The following CFAP251 variants were observed in gnomAD, a reference collection of about 807,000 sequenced individuals.
The protein encoded by CFAP251 is cilia- and flagella-associated protein 251.
A neutral mutation model predicts 126.7 loss-of-function variants in CFAP251; 93 were observed. That is an observed-to-expected ratio of 0.73 (90% CI 0.62 to 0.87). The LOEUF is 0.87. Among genes scored for constraint, CFAP251 ranks in the 40% least tolerant of loss-of-function variants. The pLI is 0.00. For synonymous variants in CFAP251, 503 were observed against 506.9 expected (o/e 0.99, Z 0.10); for missense variants, 1,287 against 1,389.2 (o/e 0.93, Z 1.17).
intron 12 of CFAP251, 100 bp downstream of exon 12, chr12:121,958,622 C>G (rs1429527073): frequency 6.5e-7 from 1 of 1,546,832 alleles, no homozygotes; most frequent in East Asian, 2.3e-5. Context: ...CTCCCCGACT[C>G]CAGCCCCCAG....
chr12:121,921,635 G>A lies in CFAP251; in HGVS notation c.330G>A (p.Leu110=). The change falls in exon 2 of 22, where the codon TTG becomes TTA. Residue 110 remains leucine (L), a synonymous_variant. Transcript: ENST00000288912. ...AAGTCACAGCGTCCATGATCCGTTT[G>A]GAGACACAGATTACTGATTCCCAGT... ...PQEVTASMIR[L]ETQITDSQSI... 1 of 1,612,424 alleles carries A rather than the reference G, an allele frequency of 6.2e-7. No homozygotes were observed. The highest frequency in any genetic ancestry group is 8.5e-7 in the Non-Finnish European group (1 of 1,179,556).
chr12:121,927,798 C>A (rs1880479441), intron 3 of CFAP251, among the ~76,000 whole-genome samples: 1 of 152,182 alleles, frequency 6.6e-6, no homozygotes, highest in Admixed American at 6.5e-5. Context: ...ATAGACATGA[C>A]TGTGGATCCC....
intron 7 of CFAP251, among the ~76,000 whole-genome samples, chr12:121,945,800 G>A (rs1881303191): frequency 6.6e-6 from 1 of 151,480 alleles, no homozygotes; most frequent in African/African-American, 2.4e-5. Flanking sequence ...TGAGTAGCTG[G>A]GACTACAGGC....
At chr12:121,982,445 T>C (rs1882645074) in intron 19 of CFAP251, among the ~76,000 whole-genome samples, 1 of 151,726 alleles carries the variant, frequency 6.6e-6, no homozygotes, top group African/African-American at 2.4e-5. Flanking sequence ...AATGGCGCCA[T>C]CTCAGTTCAC....
At chr12:121,999,337 T>C (rs1055506402) in intron 19 of CFAP251, 2 of 154,784 alleles carry the variant, frequency 1.3e-5, no homozygotes, top group African/African-American at 4.8e-5. Flanking sequence ...GTATTCCTTT[T>C]TCCTCTATTT....
intron 3 of CFAP251, among the ~76,000 whole-genome samples, chr12:121,930,748 C>CTTTTT (rs72062810): frequency 9.1e-6 from 1 of 109,884 alleles, no homozygotes; most frequent in Non-Finnish European, 2.0e-5. Flanking sequence ...AATTGCCTTT[C>CTTTTT]TTTTTTTTTT....
chr12:121,960,846 A>G, intron 14 of CFAP251, 88 bp downstream of exon 14: 2 of 1,438,356 alleles, frequency 1.4e-6, no homozygotes, highest in Non-Finnish European at 1.9e-6. Flanking sequence ...AGCCAGGCCC[A>G]CAGTACGTGT....
intron 5 of CFAP251, among the ~76,000 whole-genome samples, chr12:121,936,665 A>T (rs977622748): frequency 3.3e-5 from 5 of 152,022 alleles, no homozygotes; most frequent in African/African-American, 1.2e-4. Flanking sequence ...GTGGGATGTG[A>T]CATGCTGTAA....
chr12:121,968,477 C>T (rs1882225938), intron 17 of CFAP251, among the ~76,000 whole-genome samples: 1 of 152,186 alleles, frequency 6.6e-6, no homozygotes, highest in Non-Finnish European at 1.5e-5. Context: ...GGCCGACCCT[C>T]CAAAGCATAT....
chr12:121,931,655 G>C (rs1054070757), intron 3 of CFAP251, 91 bp from the exon 4 acceptor site: 3 of 1,298,758 alleles, frequency 2.3e-6, no homozygotes, highest in Non-Finnish European at 3.0e-6. Context: ...AACTGTTGAT[G>C]TGAAATCCTT....
chr12:121,943,517 G>A (rs1464271683), intron 7 of CFAP251, among the ~76,000 whole-genome samples: 1 of 152,064 alleles, frequency 6.6e-6, no homozygotes, highest in Non-Finnish European at 1.5e-5. Context: ...CTGCCTCCCA[G>A]GTTCAAGCGA....
intron 19 of CFAP251, among the ~76,000 whole-genome samples, chr12:121,978,945 C>G (rs775296203): frequency 3.9e-5 from 6 of 152,160 alleles, no homozygotes; most frequent in South Asian, 2.1e-4. Context: ...TATTGCTAAC[C>G]TACTTTCCAT....
intron 3 of CFAP251, among the ~76,000 whole-genome samples, chr12:121,926,085 T>C (rs1880402650): frequency 6.7e-6 from 1 of 149,414 alleles, no homozygotes; most frequent in African/African-American, 2.5e-5. Context: ...CCGGATGGTC[T>C]TGATCTCCTG....
intron 15 of CFAP251, among the ~76,000 whole-genome samples, chr12:121,964,813 C>T (rs1450629535): frequency 6.6e-6 from 1 of 152,144 alleles, no homozygotes; most frequent in East Asian, 1.9e-4. Context: ...AGCAGGAAAT[C>T]TCATGAACCC....
intron 9 of CFAP251, among the ~76,000 whole-genome samples, chr12:121,951,970 C>T (rs1440997776): frequency 6.6e-6 from 1 of 152,006 alleles, no homozygotes; most frequent in Non-Finnish European, 1.5e-5. Flanking sequence ...GATCCACCTA[C>T]CTCAGCCTCC....
At chr12:121,935,551 G>T (rs1179281794) in intron 5 of CFAP251, among the ~76,000 whole-genome samples, 1 of 152,204 alleles carries the variant, frequency 6.6e-6, no homozygotes, top group Non-Finnish European at 1.5e-5. Context: ...TGTTTTTGAT[G>T]ACTGACAGTT....
At chr12:121,946,174 T>G (rs577328978) in intron 7 of CFAP251, among the ~76,000 whole-genome samples, 1 of 152,356 alleles carries the variant, frequency 6.6e-6, no homozygotes, top group African/African-American at 2.4e-5. Context: ...AAATGGACTC[T>G]GTTTGCAGAG....
chr12:121,961,374 AT>A (rs1565914468), intron 14 of CFAP251, among the ~76,000 whole-genome samples: 1 of 132,038 alleles, frequency 7.6e-6, no homozygotes, highest in East Asian at 2.2e-4. Flanking sequence ...CCATCCATTC[AT>A]CCATCTGTCC....
intron 10 of CFAP251, among the ~76,000 whole-genome samples, chr12:121,956,092 G>C (rs537898884): frequency 8.1e-4 from 124 of 152,270 alleles, no homozygotes; most frequent in African/African-American, 2.8e-3. Context: ...TTTTTAAAAA[G>C]CCCATTTGGG....
Sources: gnomAD v4.1 joint callset for allele counts (sites outside exome capture counted in the v4.1 genomes callset) on GRCh38, gnomAD v4.1.1 for gene constraint, MANE v1.5 for transcripts, NCBI Gene and HGNC (gene_info 2026-07-23, HGNC 2026-07-21) for gene names.